The following ST18 variants were observed in gnomAD, a reference collection of about 807,000 sequenced individuals.
ST18 encodes the protein ST18 C2H2C-type zinc finger transcription factor.
A neutral mutation model predicts 110.0 loss-of-function variants in ST18; 50 were observed. The ratio of observed to expected loss-of-function variants is 0.45; its 90% CI spans 0.36 to 0.58. The LOEUF (loss-of-function observed/expected upper bound fraction) is 0.58, where lower values mean the gene tolerates loss of function less well. ST18 is among the 20% of genes least tolerant of loss of function. The pLI, the probability that ST18 is intolerant of heterozygous loss-of-function variation, is 0.00. For synonymous variants in ST18, 461 were observed against 452.4 expected (o/e 1.02, Z -0.24); for missense variants, 1,306 against 1,280.1 (o/e 1.02, Z -0.31).
chr8:52,333,452 C>A (rs1053626700), intron 2 of ST18, among the ~76,000 whole-genome samples: 14 of 151,860 alleles, frequency 9.2e-5, no homozygotes, highest in African/African-American at 2.7e-4. Context: ...TGGGCTGAAC[C>A]AATAGGTTGT....
At chr8:52,178,352 G>A (rs1450371544) in intron 9 of ST18, among the ~76,000 whole-genome samples, 1 of 151,626 alleles carries the variant, frequency 6.6e-6, no homozygotes, top group African/African-American at 2.4e-5. Flanking sequence ...ACGGAGCCAG[G>A]CATGGTGGCT....
chr8:52,387,772 A>T (rs986570041), intron 2 of ST18, among the ~76,000 whole-genome samples: 9 of 152,164 alleles, frequency 5.9e-5, no homozygotes, highest in Non-Finnish European at 1.3e-4. Context: ...AGATCCTTTG[A>T]CAGCCTAAGA....
At chr8:52,300,296 T>C (rs1460462856) in intron 2 of ST18, among the ~76,000 whole-genome samples, 1 of 152,150 alleles carries the variant, frequency 6.6e-6, no homozygotes, top group African/African-American at 2.4e-5. Context: ...ATACAGATTC[T>C]TGAATACTCG....
intron 2 of ST18, among the ~76,000 whole-genome samples, chr8:52,385,461 G>C (rs577403813): frequency 1.3e-5 from 2 of 152,074 alleles, no homozygotes; most frequent in African/African-American, 4.8e-5. Context: ...TTAGCTGGGC[G>C]TGATGGCAGG....
intron 2 of ST18, among the ~76,000 whole-genome samples, chr8:52,265,781 C>G (rs991547153): frequency 1.3e-5 from 2 of 152,112 alleles, no homozygotes; most frequent in African/African-American, 4.8e-5. Context: ...GGGAATAATT[C>G]TGGACTTTAG....
intron 8 of ST18, among the ~76,000 whole-genome samples, chr8:52,196,504 T>C (rs755120946): frequency 7.9e-5 from 12 of 152,158 alleles, no homozygotes; most frequent in Non-Finnish European, 1.3e-4. Flanking sequence ...TCCCCCCTTG[T>C]CCGTGCTTTC....
intron 2 of ST18, among the ~76,000 whole-genome samples, chr8:52,273,715 A>G (rs768849690): frequency 2.0e-5 from 3 of 152,190 alleles, no homozygotes; most frequent in Non-Finnish European, 2.9e-5. Flanking sequence ...GTCTATTTGC[A>G]TTTTGAGTCC....
intron 2 of ST18, among the ~76,000 whole-genome samples, chr8:52,376,311 C>T (rs763110887): frequency 6.6e-6 from 1 of 152,134 alleles, no homozygotes; most frequent in Non-Finnish European, 1.5e-5. Context: ...TTCAACACAA[C>T]GGGATCCTTT....
At chr8:52,150,258 ATG>A (rs10593387) in intron 15 of ST18, among the ~76,000 whole-genome samples, 4,513 of 149,660 alleles carry the variant, frequency 0.03, 229 homozygotes, top group African/African-American at 0.1. Flanking sequence ...TTTTATGAAA[ATG>A]TGTGTGTGTG....
At chr8:52,357,244 A>G (rs1823161561) in intron 2 of ST18, among the ~76,000 whole-genome samples, 1 of 152,142 alleles carries the variant, frequency 6.6e-6, no homozygotes, top group Non-Finnish European at 1.5e-5. Context: ...CTTGTACACA[A>G]AAGAAAGCAT....
Position 52,113,079 on chromosome 8 carries a change from G to T in ST18, c.*119C>A. On this transcript the variant is annotated 3_prime_UTR_variant, in exon 26 of 26. Coordinates refer to ENST00000689386, the MANE Select transcript of ST18 (RefSeq NM_001352837.2). ...CTGGGGAAAATAAAATTAGTGCAAT[G>T]TTGCAAATTGTAAATGCAGTACGGC... is the stretch of plus-strand genomic sequence containing the variant. 1 of 1,173,922 alleles carries T rather than the reference G, an allele frequency of 8.5e-7. No individual in the cohort carries two copies. Among genetic ancestry groups the T allele is most frequent in the Non-Finnish European group, 1.1e-6 (1 of 880,840 alleles). The allele number at this position is 1,173,922 out of a possible 1,614,324, so 72.7% of individuals were successfully genotyped here.
At chr8:52,330,856 C>T (rs570302426) in intron 2 of ST18, among the ~76,000 whole-genome samples, 1 of 152,180 alleles carries the variant, frequency 6.6e-6, no homozygotes, top group East Asian at 1.9e-4. Context: ...TTAGCGAGCC[C>T]ACAGACAAAA....
At chr8:52,172,917 T>C (rs1160361763) in intron 9 of ST18, among the ~76,000 whole-genome samples, 1 of 152,224 alleles carries the variant, frequency 6.6e-6, no homozygotes, top group Non-Finnish European at 1.5e-5. Flanking sequence ...TACTTAACAA[T>C]AATAGTATTT....
intron 2 of ST18, among the ~76,000 whole-genome samples, chr8:52,230,337 A>G (rs1372267345): frequency 2.0e-5 from 3 of 152,080 alleles, no homozygotes; most frequent in Non-Finnish European, 4.4e-5. Context: ...CCTTTTGTTT[A>G]TAAGTATATT....
intron 2 of ST18, among the ~76,000 whole-genome samples, chr8:52,326,652 T>C (rs1165905858): frequency 2.0e-5 from 3 of 152,080 alleles, no homozygotes; most frequent in East Asian, 1.9e-4. Context: ...GTGATAATCA[T>C]GGAAAATTTA....
intron 2 of ST18, among the ~76,000 whole-genome samples, chr8:52,356,332 A>C (rs1339246899): frequency 3.3e-5 from 5 of 152,188 alleles, no homozygotes; most frequent in Admixed American, 3.3e-4. Context: ...CAAGTGTTTA[A>C]GAAAACTCTG....
chr8:52,350,033 C>T (rs1407010207), intron 2 of ST18, among the ~76,000 whole-genome samples: 1 of 152,174 alleles, frequency 6.6e-6, no homozygotes, highest in Non-Finnish European at 1.5e-5. Context: ...CCACACCCCG[C>T]AGGACCTCCC....
intron 2 of ST18, among the ~76,000 whole-genome samples, chr8:52,232,538 C>T (rs576470271): frequency 3.3e-5 from 5 of 152,028 alleles, no homozygotes; most frequent in African/African-American, 9.7e-5. Flanking sequence ...AATGGTGCAA[C>T]GTGTTTCTTA....
intron 8 of ST18, among the ~76,000 whole-genome samples, chr8:52,202,637 G>A (rs1396890890): frequency 6.6e-6 from 1 of 152,206 alleles, no homozygotes. Context: ...AGGTCATGGG[G>A]ACACTTCATG....
Sources: allele counts gnomAD v4.1 joint callset (sites outside exome capture counted in the v4.1 genomes callset), GRCh38; gene constraint gnomAD v4.1.1; transcripts MANE v1.5; gene names NCBI Gene and HGNC (gene_info 2026-07-23, HGNC 2026-07-21).